TRAPPC9: variants seen among roughly 807,000 people sequenced by gnomAD.
The protein encoded by TRAPPC9 is trafficking protein particle complex subunit 9.
A neutral mutation model predicts 124.0 loss-of-function variants in TRAPPC9; 83 were observed. That is an observed-to-expected ratio of 0.67 (90% CI 0.56 to 0.80). The LOEUF is 0.80. Ranked by LOEUF, TRAPPC9 falls within the 30% of genes least tolerant of loss-of-function variation. TRAPPC9 has a pLI of 0.00. For missense variants in TRAPPC9, 1,302 were observed against 1,508.3 expected, an observed-to-expected ratio of 0.86 and a Z score of 2.27; for synonymous variants, 638 against 617.5, an observed-to-expected ratio of 1.03 and a Z score of -0.49.
chr8:140,425,953 G>A (rs6991964), intron 5 of TRAPPC9, among the ~76,000 whole-genome samples: 64,869 of 152,078 alleles, frequency 0.43, 15,350 homozygotes, highest in Middle Eastern at 0.53. Context: ...CTTCATTTCA[G>A]AGCCAAGATG....
chr8:140,112,841 CTTTTTTTT>C (rs34920600), intron 17 of TRAPPC9, among the ~76,000 whole-genome samples: 14 of 129,282 alleles, frequency 1.1e-4, no homozygotes, highest in African/African-American at 2.6e-4. Context: ...TTTTAATTTC[CTTTTTTTT>C]TTTTTTTTTG....
At chr8:140,412,521 T>C (rs2069741666) in intron 5 of TRAPPC9, among the ~76,000 whole-genome samples, 1 of 152,178 alleles carries the variant, frequency 6.6e-6, no homozygotes, top group African/African-American at 2.4e-5. Context: ...TTAATCACTG[T>C]ACTGTTTATG....
chr8:140,112,734 T>C (rs2060805594), intron 17 of TRAPPC9, among the ~76,000 whole-genome samples: 1 of 152,206 alleles, frequency 6.6e-6, no homozygotes. Context: ...TAGAGGCCCC[T>C]TTTAATAGGT....
intron 21 of TRAPPC9, among the ~76,000 whole-genome samples, chr8:139,789,087 A>C (rs1238527569): frequency 6.6e-6 from 1 of 152,206 alleles, no homozygotes; most frequent in East Asian, 1.9e-4. Flanking sequence ...AAATTATCCA[A>C]AATGCACCAG....
chr8:140,073,799 G>A (rs1385780238), intron 17 of TRAPPC9, among the ~76,000 whole-genome samples: 1 of 152,206 alleles, frequency 6.6e-6, no homozygotes, highest in Admixed American at 6.5e-5. Context: ...GATGATTACT[G>A]AAGCTGTTAA....
At chr8:140,031,177 A>C (rs1840473197) in intron 17 of TRAPPC9, among the ~76,000 whole-genome samples, 2 of 152,204 alleles carry the variant, frequency 1.3e-5, no homozygotes, top group Admixed American at 1.3e-4. Context: ...ATGGAGACTT[A>C]AGAATCCCGG....
At chr8:139,837,253 C>T (rs1431790970) in intron 21 of TRAPPC9, among the ~76,000 whole-genome samples, 3 of 152,120 alleles carry the variant, frequency 2.0e-5, no homozygotes, top group Non-Finnish European at 4.4e-5. Context: ...AGCTGGGGGA[C>T]GTGCTTCACT....
At chr8:140,341,870 C>T (rs2067205313) in intron 9 of TRAPPC9, among the ~76,000 whole-genome samples, 1 of 152,228 alleles carries the variant, frequency 6.6e-6, no homozygotes, top group African/African-American at 2.4e-5. Flanking sequence ...AAGTCTCTCT[C>T]CCAAGCTAAG....
intron 7 of TRAPPC9, among the ~76,000 whole-genome samples, chr8:140,393,032 T>TTTTATTTTATTTTA (rs1554679810): frequency 4.9e-4 from 68 of 138,096 alleles, no homozygotes; most frequent in South Asian, 3.2e-3. Context: ...TCCCATTTTA[T>TTTTATTTTATTTTA]TTTTATTTTA....
chr8:140,065,586 C>G (rs761011767), intron 17 of TRAPPC9, among the ~76,000 whole-genome samples: 1 of 152,134 alleles, frequency 6.6e-6, no homozygotes, highest in Non-Finnish European at 1.5e-5. Flanking sequence ...TCTGAAAATT[C>G]GAGGACCCCT....
At chr8:140,187,140 A>G (rs1319275615) in intron 17 of TRAPPC9, among the ~76,000 whole-genome samples, 2 of 152,248 alleles carry the variant, frequency 1.3e-5, no homozygotes, top group African/African-American at 2.4e-5. Flanking sequence ...TGACCTGTGC[A>G]GGTCCACTCA....
intron 16 of TRAPPC9, among the ~76,000 whole-genome samples, chr8:140,233,448 C>G (rs1223828755): frequency 6.6e-6 from 1 of 152,084 alleles, no homozygotes; most frequent in African/African-American, 2.4e-5. Flanking sequence ...TCGTGATCCA[C>G]CCGCCTCAGC....
intron 10 of TRAPPC9, among the ~76,000 whole-genome samples, chr8:140,305,071 A>G (rs2066086171): frequency 6.6e-6 from 1 of 152,224 alleles, no homozygotes; most frequent in African/African-American, 2.4e-5. Context: ...TTCCCAGCTC[A>G]CTGCTGGGAA....
At position 139,961,935 on chromosome 8, in the gene TRAPPC9, C is replaced by G. The variant is rs963759391; in HGVS notation, c.2810+26791G>C. The stretch of plus-strand genomic sequence containing the variant: ...GATGACCAGCTGCAGAGACAAATAA[C>G]CCCTCTGCTGATAGCTGGAGATGAT... On this transcript the variant is annotated intron_variant, in intron 19 of 22. Transcript: ENST00000438773. Among the ~76,000 whole-genome samples, 36 of 124,020 alleles carry G rather than the reference C, an allele frequency of 2.9e-4. 3 individuals carry two copies. Among genetic ancestry groups the G allele is most frequent in the African/African-American group, 8.9e-4 (35 of 39,276 alleles). The allele number at this position is 124,020 out of a possible 152,430, so 81.4% of individuals were successfully genotyped here.
In TRAPPC9 at chr8:140,330,470, A is replaced by G. The variant is rs557738106; in HGVS notation, c.1496-19096T>C. On this transcript the variant is annotated intron_variant, in intron 9 of 22. Coordinates refer to ENST00000438773, the MANE Select transcript of TRAPPC9 (RefSeq NM_001160372.4). ...AACTGCCTCCTGTCAATAATTTTTC[A>G]TATTTGCTAGTCACTTAATTTTCAG... Among the ~76,000 whole-genome samples the G allele has an allele frequency of 2.0e-5, 3 of 152,344 alleles. No homozygotes were observed. The East Asian group carries it at 5.8e-4, about 29-fold the overall frequency.
Position 139,767,414 on chromosome 8 carries a change from G to C in TRAPPC9, c.3056-35212C>G, listed in dbSNP as rs112981722. 2.3e-3 allele frequency among the ~76,000 whole-genome samples: 356 copies of C among 152,338 alleles called. 4 individuals are homozygous for C. The highest frequency in any genetic ancestry group is 7.8e-3 in the African/African-American group (325 of 41,578). On this transcript the variant is annotated intron_variant, in intron 21 of 22. Coordinates refer to ENST00000438773, the MANE Select transcript of TRAPPC9 (RefSeq NM_001160372.4). ...ACACCAACAGGATGGCTGTCCCACA[G>C]AGCATCCCATCCTCACGAGGGCAGC... is the stretch of plus-strand genomic sequence containing the variant.
intron 17 of TRAPPC9, among the ~76,000 whole-genome samples, chr8:140,153,426 CCCTAAATGCAATGTAGGT>C (rs2061579943): frequency 6.6e-6 from 1 of 152,208 alleles, no homozygotes; most frequent in East Asian, 1.9e-4. Flanking sequence ...TAGAAAACTT[CCCTAAATGCAATGTAGGT>C]AAGCTTCCTT....
chr8:140,003,628 A>T (rs1055345817), intron 18 of TRAPPC9, among the ~76,000 whole-genome samples: 2 of 151,010 alleles, frequency 1.3e-5, no homozygotes, highest in African/African-American at 4.9e-5. Context: ...AAAAAGTGCA[A>T]ATTAAAACCA....
chr8:140,351,219 C>T (rs769660595), intron 9 of TRAPPC9, among the ~76,000 whole-genome samples: 4 of 151,478 alleles, frequency 2.6e-5, no homozygotes, highest in African/African-American at 7.3e-5. Context: ...CCATTCTCCC[C>T]GCACCCCTCC....
Sources: gnomAD v4.1 joint callset for allele counts (sites outside exome capture counted in the v4.1 genomes callset) on GRCh38, gnomAD v4.1.1 for gene constraint, MANE v1.5 for transcripts, NCBI Gene and HGNC (gene_info 2026-07-23, HGNC 2026-07-21) for gene names.